ZBTB20: variants seen among roughly 807,000 people sequenced by gnomAD.
ZBTB20 encodes zinc finger and BTB domain-containing protein 20.
ZBTB20 carries 9 observed loss-of-function variants against 56.9 expected under a neutral mutation model. The ratio of observed to expected loss-of-function variants is 0.16; its 90% confidence interval spans 0.10 to 0.28. ZBTB20 has a LOEUF of 0.28. Among genes scored for constraint, ZBTB20 ranks in the 10% least tolerant of loss-of-function variants. ZBTB20 has a pLI of 1.00. For synonymous variants in ZBTB20, 417 were observed against 420.7 expected (o/e 0.99, Z 0.11); for missense variants, 655 against 1,003.0 (o/e 0.65, Z 4.69).
intron 2 of ZBTB20, among the ~76,000 whole-genome samples, chr3:115,017,371 A>C (rs1320486890): frequency 6.6e-6 from 1 of 151,708 alleles, no homozygotes; most frequent in Non-Finnish European, 1.5e-5. Flanking sequence ...CTCCTCATGG[A>C]AAACTAGAAA....
intron 7 of ZBTB20, among the ~76,000 whole-genome samples, chr3:114,498,691 C>A (rs900779742): frequency 6.6e-6 from 1 of 152,186 alleles, no homozygotes; most frequent in Non-Finnish European, 1.5e-5. Context: ...ACTCCCCCAG[C>A]CTTATGTGTG....
In ZBTB20 at chr3:114,693,535, C is replaced by T. The variant is rs1329486321; in HGVS notation, c.-302G>A. On this transcript the variant is annotated 5_prime_UTR_variant, in exon 6 of 12. Coordinates refer to ENST00000675478, the MANE Select transcript of ZBTB20 (RefSeq NM_001348800.3). Reference sequence around the variant, plus strand: ...ATAATGAGAGTTACTTACCAGACAGCAATGTCATGAGGAATATCCTGTTAG... The same window carrying T: ...ATAATGAGAGTTACTTACCAGACAGTAATGTCATGAGGAATATCCTGTTAG... 1.3e-5 allele frequency: 2 copies of T among 152,014 alleles called. No individual in the cohort carries two copies. The highest frequency in any genetic ancestry group is 3.8e-4 in the East Asian group (2 of 5,196). The allele number at this position is 152,014 out of a possible 1,614,324, so 9.4% of individuals were successfully genotyped here.
intron 7 of ZBTB20, among the ~76,000 whole-genome samples, chr3:114,466,167 T>C (rs1369740440): frequency 1.3e-5 from 2 of 152,270 alleles, no homozygotes; most frequent in South Asian, 2.1e-4. Context: ...ATACTTAATA[T>C]ATGAGTACAT....
intron 2 of ZBTB20, among the ~76,000 whole-genome samples, chr3:115,009,995 T>C (rs535198195): frequency 1.2e-4 from 18 of 152,102 alleles, no homozygotes; most frequent in South Asian, 2.1e-4. Flanking sequence ...AAGTGCCGAC[T>C]TATTCGAAAA....
intron 7 of ZBTB20, among the ~76,000 whole-genome samples, chr3:114,433,727 G>T (rs1036821640): frequency 6.6e-6 from 1 of 152,032 alleles, no homozygotes; most frequent in Non-Finnish European, 1.5e-5. Context: ...ATATAAACAT[G>T]CTCTAGTATA....
At chr3:114,511,909 C>T (rs2045441192) in intron 6 of ZBTB20, among the ~76,000 whole-genome samples, 1 of 152,016 alleles carries the variant, frequency 6.6e-6, no homozygotes. Flanking sequence ...TAACAAATAG[C>T]CTAAATCAAG....
chr3:114,458,182 A>C (rs1035812268), intron 7 of ZBTB20, among the ~76,000 whole-genome samples: 3 of 152,190 alleles, frequency 2.0e-5, no homozygotes, highest in Non-Finnish European at 4.4e-5. Context: ...CAGTGTTAGC[A>C]CAAGGGTTAT....
chr3:114,990,385 G>A (rs2108145663), intron 2 of ZBTB20, among the ~76,000 whole-genome samples: 1 of 152,256 alleles, frequency 6.6e-6, no homozygotes, highest in African/African-American at 2.4e-5. Context: ...CTTTGGTTCT[G>A]TTTATATGCT....
In ZBTB20 at chr3:115,139,917, T is replaced by C. The variant is rs150176919; in HGVS notation, c.-703+7302A>G. On this transcript the variant is annotated intron_variant, in intron 1 of 11. Coordinates refer to ENST00000675478, the MANE Select transcript of ZBTB20 (RefSeq NM_001348800.3). ...GATTATAAGTACTTAATATCATATA[T>C]CTATACTTTACTAGTGTGCTATGTT... Among the ~76,000 whole-genome samples the C allele has an allele frequency of 4.1e-3, 621 of 152,168 alleles. 4 individuals carry two copies. Among genetic ancestry groups the C allele is most frequent in the African/African-American group, 0.014 (589 of 41,550 alleles).
intron 7 of ZBTB20, among the ~76,000 whole-genome samples, chr3:114,461,908 C>T (rs1016026653): frequency 1.3e-5 from 2 of 152,154 alleles, no homozygotes; most frequent in Non-Finnish European, 2.9e-5. Flanking sequence ...TGAAAAAACA[C>T]GTTGGACTCA....
chr3:114,354,563 G>GTTT (rs59539017), intron 10 of ZBTB20, among the ~76,000 whole-genome samples: 1 of 130,106 alleles, frequency 7.7e-6, no homozygotes, highest in Middle Eastern at 3.9e-3. Context: ...TTCTGAACAG[G>GTTT]TTTTTTTTTG....
intron 6 of ZBTB20, among the ~76,000 whole-genome samples, chr3:114,603,849 G>A (rs569147227): frequency 7.2e-5 from 11 of 151,924 alleles, no homozygotes; most frequent in South Asian, 2.1e-4. Flanking sequence ...CCGAGATACC[G>A]TCTTTTACCA....
At position 114,350,287 on chromosome 3, in the gene ZBTB20, C is replaced by A; in HGVS notation, c.1791G>T (p.Met597Ile). Residue 597 changes from methionine to isoleucine, a missense_variant, in exon 11 of 12, where the codon ATG becomes ATT. This residue lies in a region of ZBTB20 where 10 missense variants were observed against 98.5 expected (regional missense o/e 0.10). Coordinates refer to ENST00000675478, the MANE Select transcript of ZBTB20 (RefSeq NM_001348800.3). ...FTAKQNYVKH[M>I]FVHTGEKPHQ... is the part of the protein sequence containing the mutation. ...GGTGACACTCACCTGTGTGTACGAA[C>A]ATGTGCTTGACGTAGTTCTGTTTGG... is the stretch of plus-strand genomic sequence containing the variant. The A allele has an allele frequency of 6.2e-7, 1 of 1,606,270 alleles. No homozygotes were observed. The highest frequency in any genetic ancestry group is 8.5e-7 in the Non-Finnish European group (1 of 1,174,256).
chr3:114,860,855 G>C (rs778562972), intron 4 of ZBTB20, among the ~76,000 whole-genome samples: 2 of 152,054 alleles, frequency 1.3e-5, no homozygotes, highest in Non-Finnish European at 1.5e-5. Flanking sequence ...CTTTTTTATG[G>C]TTTCACTAAA....
chr3:114,450,348 C>A (rs564869653), intron 7 of ZBTB20, among the ~76,000 whole-genome samples: 2 of 152,240 alleles, frequency 1.3e-5, no homozygotes, highest in South Asian at 4.1e-4. Context: ...TTTATCCATG[C>A]CAAGTTTAAC....
chr3:115,088,924 C>A (rs1399631827), intron 1 of ZBTB20, among the ~76,000 whole-genome samples: 3 of 151,574 alleles, frequency 2.0e-5, no homozygotes, highest in Non-Finnish European at 4.4e-5. Context: ...CTGTCCCATC[C>A]AAGAGTTTTA....
At chr3:114,664,927 C>T (rs2060961532) in intron 6 of ZBTB20, among the ~76,000 whole-genome samples, 1 of 151,790 alleles carries the variant, frequency 6.6e-6, no homozygotes, top group Non-Finnish European at 1.5e-5. Flanking sequence ...AGCAGAAGCA[C>T]AATTAATTTT....
intron 2 of ZBTB20, among the ~76,000 whole-genome samples, chr3:115,058,303 G>A (rs545851339): frequency 1.3e-5 from 2 of 151,816 alleles, no homozygotes; most frequent in East Asian, 1.9e-4. Context: ...TCTCTTTCTG[G>A]GATTTTCTTG....
rs115853484 is a variant in ZBTB20 at position 114,684,895 on chromosome 3, A to G, written c.-295+8633T>C. Among the ~76,000 whole-genome samples the G allele has an allele frequency of 3.5e-3, 540 of 152,264 alleles. 5 individuals are homozygous for G. Among genetic ancestry groups the G allele is most frequent in the African/African-American group, 0.013 (520 of 41,562 alleles). On this transcript the variant is annotated intron_variant, in intron 6 of 11. Transcript: ENST00000675478. ...CCTTTAAAAAAAAGTCTGAAAAAAT[A>G]AAGAGCCCTGGGGACCATTTAGGCT...
Sources: allele counts gnomAD v4.1 joint callset (sites outside exome capture counted in the v4.1 genomes callset), GRCh38; gene constraint gnomAD v4.1.1; regional missense constraint gnomAD v4.1.1; transcripts MANE v1.5; gene names NCBI Gene and HGNC (gene_info 2026-07-23, HGNC 2026-07-21).